TK2: variants seen among roughly 807,000 people sequenced by gnomAD.
TK2 encodes thymidine kinase 2, mitochondrial.
Under a neutral mutation model 41.9 loss-of-function variants are expected in TK2, and 35 were observed. That is an observed-to-expected ratio of 0.84 (90% CI 0.64 to 1.11). TK2 has a LOEUF of 1.11. Ranked by LOEUF, TK2 falls within the 50% of genes least tolerant of loss-of-function variation. The pLI, the probability that TK2 is intolerant of heterozygous loss-of-function variation, is 0.00. For missense variants in TK2, 320 were observed against 351.1 expected, an observed-to-expected ratio of 0.91 and a Z score of 0.71; for synonymous variants, 128 against 129.1, an observed-to-expected ratio of 0.99 and a Z score of 0.06.
chr16:66,538,478 C>T (rs889543706), intron 3 of TK2, among the ~76,000 whole-genome samples: 1 of 152,134 alleles, frequency 6.6e-6, no homozygotes, highest in Non-Finnish European at 1.5e-5. Context: ...TGCTCCCCGA[C>T]CCAGCTCAGG....
At chr16:66,547,046 T>C (rs9927697) in intron 2 of TK2, among the ~76,000 whole-genome samples, 24,877 of 152,112 alleles carry the variant, frequency 0.16, 3,407 homozygotes, top group African/African-American at 0.37. Context: ...AGCCATTAGG[T>C]ATGGCCCTGT....
intron 4 of TK2, among the ~76,000 whole-genome samples, chr16:66,533,335 C>CAAA (rs57612451): frequency 7.8e-4 from 35 of 45,000 alleles, no homozygotes; most frequent in Admixed American, 1.3e-3. Context: ...GACTCCATCT[C>CAAA]AAAAAAAAAA....
intron 1 of TK2, chr16:66,549,720 C>T: frequency 7.9e-7 from 1 of 1,269,642 alleles, no homozygotes; most frequent in Non-Finnish European, 9.9e-7. Flanking sequence ...TAAAGGCCCT[C>T]TCTCCATCCC....
chr16:66,513,755 A>G lies in TK2; in HGVS notation c.675T>C (p.Leu225=). ...LHEEWLIKGS[L]FPMAAPVLVI... ...CCAGAACAGGGGCTGCCATGGGGAA[A>G]AGGCTGCCTTTGATGAGCCACTCCT... The change falls in exon 9 of 10, where the codon CTT becomes CTC. Residue 225 remains leucine (L), a synonymous_variant. Coordinates refer to ENST00000544898, the MANE Select transcript of TK2 (RefSeq NM_004614.5). 6.2e-7 allele frequency: 1 copy of G among 1,614,008 alleles called. No individual in the cohort carries two copies. The highest frequency in any genetic ancestry group is 8.5e-7 in the Non-Finnish European group (1 of 1,180,002).
intron 6 of TK2, among the ~76,000 whole-genome samples, chr16:66,523,529 T>C (rs979859366): frequency 6.6e-6 from 1 of 152,148 alleles, no homozygotes. Context: ...AGCCGAAACC[T>C]CTAAAAACAT....
At chr16:66,520,126 C>G (rs1380629300) in intron 6 of TK2, among the ~76,000 whole-genome samples, 1 of 152,162 alleles carries the variant, frequency 6.6e-6, no homozygotes, top group African/African-American at 2.4e-5. Flanking sequence ...GCAGACCAAC[C>G]TGTGGGACGG....
At chr16:66,541,640 C>A (rs1021748034) in intron 3 of TK2, among the ~76,000 whole-genome samples, 1 of 152,000 alleles carries the variant, frequency 6.6e-6, no homozygotes, top group Non-Finnish European at 1.5e-5. Flanking sequence ...TGGTCTGGAA[C>A]TCCTGGGCTC....
intron 4 of TK2, among the ~76,000 whole-genome samples, chr16:66,532,291 AT>A (rs2144413696): frequency 6.6e-6 from 1 of 152,292 alleles, no homozygotes; most frequent in African/African-American, 2.4e-5. Flanking sequence ...AAGGAATCCC[AT>A]TTGCGATGCT....
chr16:66,531,008 C>T (rs1567533500), intron 5 of TK2, among the ~76,000 whole-genome samples: 1 of 152,194 alleles, frequency 6.6e-6, no homozygotes, highest in Non-Finnish European at 1.5e-5. Flanking sequence ...CAGGTGGGAT[C>T]CACCACACCC....
rs1050888521 is a variant in TK2, at chr16:66,550,081, G to C, written c.-20C>G. ...CAGCATAGCCGGGCGAGCGGATCCA[G>C]AGGCCCGGGGTTCCTTCTTGTGCGA... On this transcript the variant is annotated 5_prime_UTR_variant, in exon 1 of 10. Coordinates refer to ENST00000544898, the MANE Select transcript of TK2 (RefSeq NM_004614.5). 6.3e-6 allele frequency: 10 copies of C among 1,599,626 alleles called. No homozygotes were observed. Among genetic ancestry groups the C allele is most frequent in the Non-Finnish European group, 8.5e-6 (10 of 1,174,560 alleles).
intron 6 of TK2, among the ~76,000 whole-genome samples, chr16:66,527,098 G>A (rs529322200): frequency 3.3e-5 from 5 of 152,220 alleles, no homozygotes; most frequent in Admixed American, 2.6e-4. Context: ...GCTGAGGACC[G>A]CAGAGGGCTG....
In TK2 at chr16:66,508,055, G is replaced by A. The variant is rs1179852821; in HGVS notation, c.*3913C>T. The A allele has an allele frequency of 6.6e-6, 1 of 152,140 alleles. No individual in the cohort carries two copies. The highest frequency in any genetic ancestry group is 2.4e-5 in the African/African-American group (1 of 41,424). The allele number at this position is 152,140 out of a possible 1,614,324, so 9.4% of individuals were successfully genotyped here. ...TCTCTTATGTATGCATCTTTAGATT[G>A]TTACCAATATTTTGTAATGATTAAC... is the stretch of plus-strand genomic sequence containing the variant. On this transcript the variant is annotated 3_prime_UTR_variant, in exon 10 of 10. Coordinates refer to ENST00000544898, the MANE Select transcript of TK2 (RefSeq NM_004614.5).
chr16:66,529,702 C>T (rs1405147668), intron 5 of TK2, among the ~76,000 whole-genome samples: 2 of 152,212 alleles, frequency 1.3e-5, no homozygotes, highest in African/African-American at 4.8e-5. Context: ...ATGCCAGGCA[C>T]ACTAACACTA....
At chr16:66,544,332 T>C (rs558865149) in intron 2 of TK2, among the ~76,000 whole-genome samples, 2 of 152,314 alleles carry the variant, frequency 1.3e-5, no homozygotes, top group Admixed American at 6.5e-5. Flanking sequence ...TGCATGCCCA[T>C]TGAAGAAAAT....
At chr16:66,528,306 C>A (rs1321125748) in intron 6 of TK2, among the ~76,000 whole-genome samples, 4 of 152,186 alleles carry the variant, frequency 2.6e-5, no homozygotes, top group Non-Finnish European at 1.5e-5. Flanking sequence ...GATGGAGGGC[C>A]CCATGCCTGA....
chr16:66,547,741 G>A lies in TK2; in HGVS notation c.156+1237C>T, dbSNP rs1331841719. Among the ~76,000 whole-genome samples the A allele has an allele frequency of 5.3e-5, 8 of 152,086 alleles. No individual in the cohort carries two copies. The East Asian group carries it at 1.3e-3, about 26-fold the overall frequency. ...CCGCAGACTCCCAAATGTCAGGGCT[G>A]TTTGCCAGGTGCCCAGGTCCTAGCC... On this transcript the variant is annotated intron_variant, in intron 2 of 9. Coordinates refer to ENST00000544898, the MANE Select transcript of TK2 (RefSeq NM_004614.5).
At chr16:66,524,634 G>A (rs561596049) in intron 6 of TK2, among the ~76,000 whole-genome samples, 8 of 152,212 alleles carry the variant, frequency 5.3e-5, no homozygotes, top group South Asian at 2.1e-4. Context: ...CACTACACCC[G>A]GCCCTGCCAC....
intron 4 of TK2, among the ~76,000 whole-genome samples, chr16:66,536,061 G>A (rs1792689816): frequency 6.6e-6 from 1 of 152,014 alleles, no homozygotes; most frequent in South Asian, 2.1e-4. Context: ...AAAATTAGCT[G>A]GGCATGGTCG....
In TK2 at chr16:66,515,354, C is replaced by T. The variant is rs184876334; in HGVS notation, c.619-1543G>A. Reference sequence around the variant, plus strand: ...TTGCCCTTCTACCCCCTCAACAACTCGTAACCTATAGACCCTCCAGACTAT... The same window carrying T: ...TTGCCCTTCTACCCCCTCAACAACTTGTAACCTATAGACCCTCCAGACTAT... On this transcript the variant is annotated intron_variant, in intron 8 of 9. Coordinates refer to ENST00000544898, the MANE Select transcript of TK2 (RefSeq NM_004614.5). Among the ~76,000 whole-genome samples, 4 of 152,264 alleles carry T rather than the reference C, an allele frequency of 2.6e-5. No homozygotes were observed. The East Asian group carries it at 7.7e-4, about 29-fold the overall frequency.
Sources: allele counts gnomAD v4.1 joint callset (sites outside exome capture counted in the v4.1 genomes callset), GRCh38; gene constraint gnomAD v4.1.1; transcripts MANE v1.5; gene names NCBI Gene and HGNC (gene_info 2026-07-23, HGNC 2026-07-21).